Variants in CFAP58 observed in about 807,000 individuals in gnomAD.
CFAP58 encodes cilia- and flagella-associated protein 58.
In CFAP58, 88 loss-of-function variants were observed where a neutral mutation model predicts 119.5. The observed-to-expected ratio is 0.74, with a 90% confidence interval of 0.62 to 0.88. The LOEUF (loss-of-function observed/expected upper bound fraction) is 0.88. Among genes scored for constraint, CFAP58 ranks in the 40% least tolerant of loss-of-function variants. The probability of loss-of-function intolerance (pLI) is 0.00; values close to 1 mark genes in which losing one functional copy is unlikely to be tolerated. For synonymous variants in CFAP58, 365 were observed against 366.3 expected (o/e 1.00, Z 0.04); for missense variants, 990 against 1,021.2 (o/e 0.97, Z 0.42).
chr10:104,342,155 A>G, the CFAP58 span, among the ~76,000 whole-genome samples: 4 of 152,226 alleles, frequency 2.6e-5, no homozygotes, highest in Non-Finnish European at 5.9e-5. Context: ...ATGTGCATTT[A>G]CTATTTTGGT....
chr10:104,368,471 A>G lies in CFAP58; in HGVS notation c.841A>G (p.Asn281Asp). ...GGAACTCGAGCAATTTCAGATGAGA[A>G]ATGCTAAACTTCAGCAAGAGAATGA... ...AKELEQFQMR[N>D]AKLQQENEQH... is the part of the protein sequence containing the mutation. Residue 281 changes from asparagine to aspartate, a missense_variant, in exon 6 of 18, where the codon AAT becomes GAT. By Grantham distance (23) the Asn-to-Asp change is conservative (BLOSUM62 1). Transcript: ENST00000369704. 6.2e-7 allele frequency: 1 copy of G among 1,613,970 alleles called. No individual in the cohort carries two copies. The highest frequency in any genetic ancestry group is 1.3e-5 in the African/African-American group (1 of 75,044).
chr10:104,373,177 C>G (rs2014846371), intron 7 of CFAP58, among the ~76,000 whole-genome samples: 1 of 151,200 alleles, frequency 6.6e-6, no homozygotes, highest in South Asian at 2.1e-4. Context: ...AAGATATCTG[C>G]AAGATCTATA....
At chr10:104,429,578 G>A (rs1352859945) in intron 15 of CFAP58, among the ~76,000 whole-genome samples, 1 of 152,202 alleles carries the variant, frequency 6.6e-6, no homozygotes, top group East Asian at 1.9e-4. Flanking sequence ...AAATTGATGT[G>A]TATTTGGAGA....
intron 14 of CFAP58, among the ~76,000 whole-genome samples, chr10:104,404,640 C>G (rs1013490831): frequency 6.6e-6 from 1 of 151,626 alleles, no homozygotes; most frequent in African/African-American, 2.4e-5. Context: ...GATGGAGTCT[C>G]GCTCTGTCAC....
intron 15 of CFAP58, among the ~76,000 whole-genome samples, chr10:104,420,126 C>A (rs1395193567): frequency 9.6e-6 from 1 of 103,722 alleles, no homozygotes; most frequent in East Asian, 2.7e-4. Context: ...ATGTTTGGGG[C>A]CTTTTTTTTT....
In CFAP58 at chr10:104,362,123, C is replaced by T. The variant is rs2014675135; in HGVS notation, c.392C>T (p.Thr131Ile). 6.2e-7 allele frequency: 1 copy of T among 1,613,916 alleles called. No homozygotes were observed. Among genetic ancestry groups the T allele is most frequent in the African/African-American group, 1.3e-5 (1 of 74,902 alleles). ...CTGAAAGAGGAAATAGTGAACCTGACCAAACTAGTGGAGCAGGGGTCTGGA... is the reference window on the plus strand; with the variant it reads ...CTGAAAGAGGAAATAGTGAACCTGATCAAACTAGTGGAGCAGGGGTCTGGA... ...LALKEEIVNL[T>I]KLVEQGSGLS... The change falls in exon 3 of 18, where the codon ACC becomes ATC. Residue 131 changes from threonine to isoleucine, a missense_variant. Thr to Ile is a moderately conservative substitution (Grantham distance 89, BLOSUM62 -1). Transcript: ENST00000369704.
At chr10:104,409,610 C>A (rs1467560420) in intron 15 of CFAP58, among the ~76,000 whole-genome samples, 1 of 152,142 alleles carries the variant, frequency 6.6e-6, no homozygotes, top group Non-Finnish European at 1.5e-5. Flanking sequence ...TTCTCTCTGA[C>A]ATTTTTCGCT....
At chr10:104,349,651 C>A (rs2014437110), upstream of CFAP58, among the ~76,000 whole-genome samples, 1 of 152,230 alleles carries the variant, frequency 6.6e-6, no homozygotes. Flanking sequence ...CGTGCATCAT[C>A]TTAGAGCTCC....
intron 9 of CFAP58, among the ~76,000 whole-genome samples, chr10:104,386,596 G>A (rs2011930575): frequency 6.6e-6 from 1 of 152,038 alleles, no homozygotes; most frequent in Non-Finnish European, 1.5e-5. Context: ...AGGCCCGTGT[G>A]CACGTAACTG....
At chr10:104,401,003 C>A in intron 13 of CFAP58, 100 bp downstream of exon 13, 1 of 792,808 alleles carries the variant, frequency 1.3e-6, no homozygotes, top group Non-Finnish European at 2.0e-6. Context: ...AGGTCTTTAT[C>A]GAGTTGTACA....
chr10:104,382,815 C>A lies in CFAP58; in HGVS notation c.1365+2595C>A, dbSNP rs928630470. On this transcript the variant is annotated intron_variant, in intron 9 of 17. Transcript: ENST00000369704. ...TGATTGTAAGTTTCCTGAGGCTTCC[C>A]CAGCCAGCGGAACTGGGAGTCAATT... Among the ~76,000 whole-genome samples, 5 of 152,320 alleles carry A rather than the reference C, an allele frequency of 3.3e-5. No individual in the cohort carries two copies. The Middle Eastern group carries it at 0.014, about 414-fold the overall frequency.
chr10:104,400,981 G>A (rs2012254261), intron 13 of CFAP58, 78 bp downstream of exon 13: 4 of 989,188 alleles, frequency 4.0e-6, no homozygotes, highest in Non-Finnish European at 6.2e-6. Context: ...AGTCATGCTT[G>A]TTGCTCATTG....
intron 15 of CFAP58, among the ~76,000 whole-genome samples, chr10:104,418,473 A>G (rs2012589995): frequency 6.6e-6 from 1 of 152,212 alleles, no homozygotes; most frequent in South Asian, 2.1e-4. Context: ...GAGTGAACCC[A>G]GGAGGCGGAG....
chr10:104,429,889 A>G (rs1302548561), intron 15 of CFAP58, among the ~76,000 whole-genome samples: 13 of 150,218 alleles, frequency 8.7e-5, no homozygotes, highest in Admixed American at 8.6e-4. Flanking sequence ...TTTTTCCCAC[A>G]GCCTCTCCTC....
intron 15 of CFAP58, 84 bp downstream of exon 15, chr10:104,406,877 G>A: frequency 9.6e-7 from 1 of 1,038,056 alleles, no homozygotes; most frequent in Non-Finnish European, 1.5e-6. Flanking sequence ...TAGTTATTTG[G>A]CAGCATTGCA....
intron 15 of CFAP58, among the ~76,000 whole-genome samples, chr10:104,408,673 T>C (rs2012405691): frequency 6.6e-6 from 1 of 152,234 alleles, no homozygotes; most frequent in East Asian, 1.9e-4. Context: ...CTGCTCTAAC[T>C]TTATTATTTC....
At chr10:104,452,065 C>G (rs2013205207) in intron 17 of CFAP58, among the ~76,000 whole-genome samples, 1 of 152,012 alleles carries the variant, frequency 6.6e-6, no homozygotes, top group Non-Finnish European at 1.5e-5. Flanking sequence ...ACTTGCAGAT[C>G]CCCTCATGCA....
At chr10:104,406,864 A>T in intron 15 of CFAP58, 71 bp downstream of exon 15, 2 of 1,213,818 alleles carry the variant, frequency 1.6e-6, no homozygotes, top group South Asian at 2.5e-5. Context: ...ACGTTCTTAG[A>T]ATTAGTTATT....
upstream of CFAP58, among the ~76,000 whole-genome samples, chr10:104,350,405 G>A (rs1343357629): frequency 6.6e-6 from 1 of 152,188 alleles, no homozygotes; most frequent in Admixed American, 6.5e-5. Flanking sequence ...GCAGGGTGGT[G>A]ACTAGTCTTC....
Sources: allele counts gnomAD v4.1 joint callset (sites outside exome capture counted in the v4.1 genomes callset), GRCh38; gene constraint gnomAD v4.1.1; transcripts MANE v1.5; gene names NCBI Gene and HGNC (gene_info 2026-07-23, HGNC 2026-07-21).